Variants in MVB12B observed in about 807,000 individuals in gnomAD.
MVB12B encodes the protein multivesicular body subunit 12B.
In MVB12B, 16 loss-of-function variants were observed where a neutral mutation model predicts 41.6. The observed-to-expected ratio is 0.38, with a 90% CI of 0.26 to 0.58. The LOEUF (loss-of-function observed/expected upper bound fraction) is 0.58. Among genes scored for constraint, MVB12B ranks in the 20% least tolerant of loss-of-function variants. The pLI is 0.62. For synonymous variants in MVB12B, 133 were observed against 139.7 expected, an observed-to-expected ratio of 0.95 and a Z score of 0.34; for missense variants, 274 against 380.2, an observed-to-expected ratio of 0.72 and a Z score of 2.32.
chr9:126,449,328 G>A (rs1019466372), intron 7 of MVB12B, among the ~76,000 whole-genome samples: 6 of 152,046 alleles, frequency 3.9e-5, no homozygotes, highest in African/African-American at 2.4e-5. Context: ...CCGCAAGCAC[G>A]TATTGCAGTC....
At chr9:126,426,813 A>G (rs969976309) in intron 7 of MVB12B, 1 of 152,278 alleles carries the variant, frequency 6.6e-6, no homozygotes, top group Non-Finnish European at 1.5e-5. Context: ...GAGAGAAACA[A>G]GCTAGTTGCT....
chr9:126,470,797 C>T (rs143677927), intron 7 of MVB12B, among the ~76,000 whole-genome samples: 29 of 152,232 alleles, frequency 1.9e-4, no homozygotes, highest in Non-Finnish European at 3.1e-4. Flanking sequence ...TCCCACCAAA[C>T]GTCTTTGGAT....
rs2036351097 is a variant in MVB12B, at chr9:126,436,541, T to C, written c.757+14593T>C. 1.3e-5 allele frequency among the ~76,000 whole-genome samples: 2 copies of C among 152,260 alleles called. No homozygotes were observed. The highest frequency in any genetic ancestry group is 1.3e-4 in the Admixed American group (2 of 15,288). On this transcript the variant is annotated intron_variant, in intron 7 of 9. Transcript: ENST00000361171. This position sits in a 1 kb window ranked among gnomAD's most constrained non-coding sequence, Gnocchi z 4.1. ...AAGGTTACGTGTACTAGTTTGAGTA[T>C]ACCTATGACTTTTCATTTGTAAATG...
At chr9:126,414,640 C>G (rs1265530065) in intron 6 of MVB12B, among the ~76,000 whole-genome samples, 21 of 152,084 alleles carry the variant, frequency 1.4e-4, no homozygotes, top group Admixed American at 1.4e-3. Context: ...TAAGTAGAGA[C>G]AGTTTCTCGA....
chr9:126,343,840 C>G (rs950442444), intron 2 of MVB12B, among the ~76,000 whole-genome samples: 1 of 152,080 alleles, frequency 6.6e-6, no homozygotes, highest in African/African-American at 2.4e-5. Context: ...TCGATTGAAC[C>G]CAGAAGGCAG....
chr9:126,396,266 G>A, intron 6 of MVB12B: 2 of 979,752 alleles, frequency 2.0e-6, no homozygotes, highest in Non-Finnish European at 2.4e-6. Context: ...ACTGATTTCA[G>A]TCATAACAGA....
chr9:126,428,266 A>G (rs1250775915), intron 7 of MVB12B, among the ~76,000 whole-genome samples: 1 of 152,198 alleles, frequency 6.6e-6, no homozygotes, highest in Non-Finnish European at 1.5e-5. Flanking sequence ...TGCAGTTTTA[A>G]TCTAGTCCTC....
At chr9:126,462,275 G>T (rs904925628) in intron 7 of MVB12B, among the ~76,000 whole-genome samples, 1 of 152,192 alleles carries the variant, frequency 6.6e-6, no homozygotes, top group African/African-American at 2.4e-5. Context: ...TAAAATGCAG[G>T]CCAGGGTATT....
In MVB12B at chr9:126,366,964, A is replaced by C. The variant is rs143330093; in HGVS notation, c.205-14100A>C. Among the ~76,000 whole-genome samples the C allele has an allele frequency of 3.6e-3, 550 of 152,186 alleles. 2 individuals carry two copies. Among genetic ancestry groups the C allele is most frequent in the African/African-American group, 0.013 (528 of 41,520 alleles). On this transcript the variant is annotated intron_variant, in intron 2 of 9. Transcript: ENST00000361171. ...TCTGTTTCCTTACCACTCCCAATAGAAGACCCAACCTACAACCACCCTTCT... is the reference window on the plus strand; with the variant it reads ...TCTGTTTCCTTACCACTCCCAATAGCAGACCCAACCTACAACCACCCTTCT...
chr9:126,336,724 G>C (rs997928416), intron 1 of MVB12B, among the ~76,000 whole-genome samples: 1 of 149,022 alleles, frequency 6.7e-6, no homozygotes, highest in African/African-American at 2.5e-5. Context: ...CCGTACACTT[G>C]TGGGCGCACA....
chr9:126,419,819 C>A (rs1831947674), intron 6 of MVB12B, among the ~76,000 whole-genome samples: 1 of 152,206 alleles, frequency 6.6e-6, no homozygotes. Flanking sequence ...CGGCCAGGCC[C>A]ACTGAATCAG....
intron 2 of MVB12B, among the ~76,000 whole-genome samples, chr9:126,341,805 T>G (rs1432160229): frequency 6.6e-6 from 1 of 152,170 alleles, no homozygotes; most frequent in East Asian, 1.9e-4. Flanking sequence ...GCCAGATGTC[T>G]CCAGGAGCAG....
intron 2 of MVB12B, among the ~76,000 whole-genome samples, chr9:126,349,194 A>G (rs1182614645): frequency 6.6e-6 from 1 of 152,222 alleles, no homozygotes; most frequent in Non-Finnish European, 1.5e-5. Context: ...GTCCTGGGGT[A>G]CATGGGTGAG....
intron 7 of MVB12B, among the ~76,000 whole-genome samples, chr9:126,438,934 G>T (rs186975455): frequency 1.3e-5 from 2 of 151,984 alleles, no homozygotes; most frequent in African/African-American, 4.8e-5. Flanking sequence ...ATACTCGATC[G>T]CTGCAAGGTC....
chr9:126,432,817 C>A (rs935456818), intron 7 of MVB12B, among the ~76,000 whole-genome samples: 15 of 152,248 alleles, frequency 9.9e-5, no homozygotes, highest in African/African-American at 3.6e-4. Flanking sequence ...TTGCGTGTGA[C>A]CGTTTCCCTC....
intron 7 of MVB12B, among the ~76,000 whole-genome samples, chr9:126,467,959 C>T (rs958164249): frequency 3.3e-5 from 5 of 152,182 alleles, no homozygotes; most frequent in East Asian, 1.9e-4. Context: ...AATGTATGCA[C>T]ACATGTGTGT....
At chr9:126,337,169 C>T (rs1033466857) in intron 1 of MVB12B, among the ~76,000 whole-genome samples, 4 of 152,170 alleles carry the variant, frequency 2.6e-5, no homozygotes, top group African/African-American at 9.7e-5. Context: ...CATTTTGCTT[C>T]CCCCTCCTCC....
At chr9:126,363,419 C>T (rs1202536228) in intron 2 of MVB12B, among the ~76,000 whole-genome samples, 1 of 152,188 alleles carries the variant, frequency 6.6e-6, no homozygotes, top group East Asian at 1.9e-4. Flanking sequence ...AAGAAGTGAT[C>T]GACCTGTGGA....
chr9:126,406,260 G>A (rs931739228), intron 6 of MVB12B, among the ~76,000 whole-genome samples: 1 of 152,138 alleles, frequency 6.6e-6, no homozygotes, highest in Non-Finnish European at 1.5e-5. Flanking sequence ...CTGTGAGCTC[G>A]ACCTTGCATG....
Sources: allele counts gnomAD v4.1 joint callset (sites outside exome capture counted in the v4.1 genomes callset), GRCh38; gene constraint gnomAD v4.1.1; non-coding constraint Gnocchi (gnomAD v3.1); transcripts MANE v1.5; gene names NCBI Gene and HGNC (gene_info 2026-07-23, HGNC 2026-07-21).